The following MSRA variants were observed in gnomAD, a reference collection of about 807,000 sequenced individuals.
The protein encoded by MSRA is mitochondrial peptide methionine sulfoxide reductase.
In MSRA, 54 loss-of-function variants were observed where a neutral mutation model predicts 31.3. The observed-to-expected ratio is 1.73, with a 90% CI of 1.39 to 2.17. MSRA has a LOEUF of 2.17. Among genes scored for constraint, MSRA ranks in the 30% most tolerant of loss-of-function variants. MSRA has a pLI of 0.00. For synonymous variants in MSRA, 169 were observed against 116.5 expected (o/e 1.45, Z -2.90); for missense variants, 507 against 300.9 (o/e 1.69, Z -5.07).
chr8:10,291,844 A>C (rs952805011), intron 3 of MSRA, among the ~76,000 whole-genome samples: 6 of 152,308 alleles, frequency 3.9e-5, no homozygotes, highest in Non-Finnish European at 8.8e-5. Flanking sequence ...CTTATAGGAT[A>C]AATAAACTAA....
chr8:10,213,391 A>T (rs1809688430), intron 2 of MSRA, among the ~76,000 whole-genome samples: 1 of 137,564 alleles, frequency 7.3e-6, no homozygotes, highest in African/African-American at 2.7e-5. Context: ...ATTCTGTTTT[A>T]TGGCTGAGGA....
chr8:10,230,618 A>C (rs1000678644), intron 2 of MSRA, among the ~76,000 whole-genome samples: 1 of 152,232 alleles, frequency 6.6e-6, no homozygotes, highest in Non-Finnish European at 1.5e-5. Context: ...GTCTGTATAA[A>C]CATTTTTGAA....
At chr8:10,203,316 C>G (rs533361221) in intron 1 of MSRA, among the ~76,000 whole-genome samples, 2 of 152,080 alleles carry the variant, frequency 1.3e-5, no homozygotes, top group Admixed American at 1.3e-4. Flanking sequence ...CCCTTGTATC[C>G]AGGTCACCTG....
At chr8:10,161,343 A>G (rs899092154) in intron 1 of MSRA, among the ~76,000 whole-genome samples, 4 of 152,180 alleles carry the variant, frequency 2.6e-5, no homozygotes, top group African/African-American at 9.7e-5. Context: ...GAATGGCACA[A>G]TAAAGTTGCT....
At chr8:10,415,701 C>G (rs1808417206) in intron 5 of MSRA, among the ~76,000 whole-genome samples, 1 of 151,946 alleles carries the variant, frequency 6.6e-6, no homozygotes, top group Non-Finnish European at 1.5e-5. Flanking sequence ...CTGACTTGCC[C>G]TCCCTGCACT....
At chr8:10,194,682 G>C (rs17151287) in intron 1 of MSRA, among the ~76,000 whole-genome samples, 7,673 of 152,222 alleles carry the variant, frequency 0.05, 437 homozygotes, top group African/African-American at 0.14. Flanking sequence ...TTTTAAAGCT[G>C]GGTTGCAGTT....
At chr8:10,138,783 A>T (rs1181611646) in intron 1 of MSRA, among the ~76,000 whole-genome samples, 3 of 152,208 alleles carry the variant, frequency 2.0e-5, no homozygotes, top group Non-Finnish European at 4.4e-5. Context: ...TTATCTTAGT[A>T]CAACTGTGCT....
At chr8:10,380,554 C>A (rs558117605) in intron 5 of MSRA, among the ~76,000 whole-genome samples, 1 of 152,240 alleles carries the variant, frequency 6.6e-6, no homozygotes, top group African/African-American at 2.4e-5. Flanking sequence ...AGACTCTGGA[C>A]TCTTCCAGGG....
At chr8:10,249,718 G>A (rs967153769) in intron 3 of MSRA, among the ~76,000 whole-genome samples, 13 of 152,102 alleles carry the variant, frequency 8.5e-5, no homozygotes, top group African/African-American at 3.1e-4. Context: ...GCCATGTTCT[G>A]ATGCATTTCT....
chr8:10,308,247 A>C (rs1801246880), intron 4 of MSRA, among the ~76,000 whole-genome samples: 1 of 152,178 alleles, frequency 6.6e-6, no homozygotes, highest in Non-Finnish European at 1.5e-5. Context: ...CTTCAACTAT[A>C]AGCTGGTGAT....
intron 1 of MSRA, among the ~76,000 whole-genome samples, chr8:10,147,284 G>C (rs1454500387): frequency 6.6e-6 from 1 of 152,200 alleles, no homozygotes; most frequent in Non-Finnish European, 1.5e-5. Flanking sequence ...CCTGGAGCAA[G>C]ATGGGAATGT....
chr8:10,226,919 C>G (rs1434495590), intron 2 of MSRA, among the ~76,000 whole-genome samples: 1 of 152,134 alleles, frequency 6.6e-6, no homozygotes, highest in Non-Finnish European at 1.5e-5. Flanking sequence ...TTTATCGTCA[C>G]CATGTCCAGC....
chr8:10,071,223 A>G (rs1460305363), intron 1 of MSRA, among the ~76,000 whole-genome samples: 1 of 152,156 alleles, frequency 6.6e-6, no homozygotes, highest in African/African-American at 2.4e-5. Flanking sequence ...ATATCTCATC[A>G]TGGTTTTACT....
chr8:10,417,866 T>G (rs1486476804), intron 5 of MSRA, among the ~76,000 whole-genome samples: 7 of 151,676 alleles, frequency 4.6e-5, no homozygotes, highest in Non-Finnish European at 7.4e-5. Flanking sequence ...GTGGTCTCCG[T>G]GCAGAAGGGG....
At chr8:10,067,566 G>T (rs766160894) in intron 1 of MSRA, among the ~76,000 whole-genome samples, 27 of 152,218 alleles carry the variant, frequency 1.8e-4, no homozygotes, top group Admixed American at 5.2e-4. Flanking sequence ...GTGATTTCTG[G>T]GTTGTATGGT....
intron 1 of MSRA, among the ~76,000 whole-genome samples, chr8:10,152,037 T>C (rs532761552): frequency 1.3e-5 from 2 of 152,326 alleles, no homozygotes; most frequent in South Asian, 4.1e-4. Context: ...TAGTTTCTTA[T>C]TTCAATGTGT....
chr8:10,402,578 A>C (rs1807534344), intron 5 of MSRA, among the ~76,000 whole-genome samples: 1 of 152,218 alleles, frequency 6.6e-6, no homozygotes, highest in Non-Finnish European at 1.5e-5. Flanking sequence ...GGCACTCTAT[A>C]GCACGCATTT....
rs559552225 is a variant in MSRA, at chr8:10,270,510, G to C, written c.331+25287G>C. ...AAGAAAGAGAGTTTTGCAGATGGAA[G>C]ACTGCCAGCTTGACAGCAGTCATGC... On this transcript the variant is annotated intron_variant, in intron 3 of 5. Transcript: ENST00000317173. Among the ~76,000 whole-genome samples, 3 of 152,188 alleles carry C rather than the reference G, an allele frequency of 2.0e-5. No individual in the cohort carries two copies. In the South Asian group the frequency reaches 6.2e-4, roughly 32 times the overall value.
At chr8:10,091,206 T>C (rs1798837870) in intron 1 of MSRA, among the ~76,000 whole-genome samples, 1 of 152,234 alleles carries the variant, frequency 6.6e-6, no homozygotes, top group Admixed American at 6.5e-5. Flanking sequence ...AATTTTTTCA[T>C]CTATATTCGT....
Sources: gnomAD v4.1 joint callset for allele counts (sites outside exome capture counted in the v4.1 genomes callset) on GRCh38, gnomAD v4.1.1 for gene constraint, MANE v1.5 for transcripts, NCBI Gene and HGNC (gene_info 2026-07-23, HGNC 2026-07-21) for gene names.